The following TNS3 variants were observed in gnomAD, a reference collection of about 807,000 sequenced individuals.
TNS3 encodes tensin 3.
A neutral mutation model predicts 140.9 loss-of-function variants in TNS3; 45 were observed. The observed-to-expected ratio is 0.32, with a 90% CI of 0.25 to 0.41. The LOEUF is 0.41. Among genes scored for constraint, TNS3 ranks in the 10% least tolerant of loss-of-function variants. The pLI is 1.00. For missense variants in TNS3, 1,716 were observed against 1,906.7 expected, an observed-to-expected ratio of 0.90 and a Z score of 1.86; for synonymous variants, 815 against 788.4, an observed-to-expected ratio of 1.03 and a Z score of -0.56.
chr7:47,294,042 T>C (rs1785864044), intron 24 of TNS3, among the ~76,000 whole-genome samples: 1 of 152,170 alleles, frequency 6.6e-6, no homozygotes, highest in Non-Finnish European at 1.5e-5. Context: ...CTAGGCCAGA[T>C]ACAGGGCGGG....
rs992412042 is a variant in TNS3, at chr7:47,298,703, C to T, written c.3545-1490G>A. 4.6e-5 allele frequency among the ~76,000 whole-genome samples: 7 copies of T among 152,380 alleles called. No homozygotes were observed. The South Asian group carries it at 8.3e-4, about 18-fold the overall frequency. On this transcript the variant is annotated intron_variant, in intron 23 of 30. Coordinates refer to ENST00000311160, the MANE Select transcript of TNS3 (RefSeq NM_022748.12). ...CGGCATGCCTCAGTAAATACCTCCACGGCGCACTCCCACAGAGGCCCCTCA... is the reference window on the plus strand; with the variant it reads ...CGGCATGCCTCAGTAAATACCTCCATGGCGCACTCCCACAGAGGCCCCTCA...
chr7:47,414,128 C>T (rs76621474), intron 11 of TNS3, 131 bp from the exon 12 acceptor site: 10,642 of 898,006 alleles, frequency 0.012, 101 homozygotes, highest in Non-Finnish European at 0.016. Flanking sequence ...TCTGGGAAAG[C>T]AGTGCATGGA....
chr7:47,395,320 A>G (rs1168963997), intron 16 of TNS3, among the ~76,000 whole-genome samples: 2 of 152,152 alleles, frequency 1.3e-5, no homozygotes, highest in African/African-American at 4.8e-5. Context: ...CAGAGTCCCC[A>G]TCCAGCTCTC....
At chr7:47,413,824 T>C (rs1793921885) in intron 12 of TNS3, 113 bp downstream of exon 12, 1 of 1,340,366 alleles carries the variant, frequency 7.5e-7, no homozygotes, top group Non-Finnish European at 1.0e-6. Context: ...CTTGGCATTC[T>C]CTGACCTGAA....
chr7:47,396,963 C>T (rs1036830700), intron 15 of TNS3, 59 bp from the exon 16 acceptor site: 12 of 1,215,638 alleles, frequency 9.9e-6, no homozygotes, highest in East Asian at 2.3e-5. Flanking sequence ...TCCATCCAAC[C>T]GACTCCACCA....
intron 13 of TNS3, chr7:47,405,540 G>A (rs1190374267): frequency 1.6e-5 from 11 of 702,788 alleles, no homozygotes; most frequent in African/African-American, 5.2e-5. Flanking sequence ...TCAGATGTTC[G>A]CAATATTGTA....
intron 13 of TNS3, among the ~76,000 whole-genome samples, chr7:47,404,972 C>T (rs1793364441): frequency 1.3e-5 from 2 of 152,188 alleles, no homozygotes; most frequent in Admixed American, 1.3e-4. Context: ...CGGAGCCCTG[C>T]CTTGACCTCA....
In TNS3 at chr7:47,545,204, A is replaced by G. The variant is rs888810219; in HGVS notation, c.-264-16057T>C. 3.4e-5 allele frequency among the ~76,000 whole-genome samples: 5 copies of G among 146,732 alleles called. 1 individual carries two copies. The highest frequency in any genetic ancestry group is 1.3e-4 in the African/African-American group (5 of 39,824). ...GTCGCCTGGAGTGCAGTGTGGCACA[A>G]TCTCGGCTCACTGCAACGTCCACCT... On this transcript the variant is annotated intron_variant, in intron 1 of 30. Coordinates refer to ENST00000311160, the MANE Select transcript of TNS3 (RefSeq NM_022748.12).
chr7:47,549,856 A>G (rs652526), intron 1 of TNS3, among the ~76,000 whole-genome samples: 141,141 of 151,858 alleles, frequency 0.93, 66,453 homozygotes, highest in East Asian at 1. Flanking sequence ...CACACAGACC[A>G]CCTACTGGCC....
intron 4 of TNS3, among the ~76,000 whole-genome samples, chr7:47,444,996 C>T (rs1795656233): frequency 6.6e-6 from 1 of 152,080 alleles, no homozygotes; most frequent in Admixed American, 6.6e-5. Flanking sequence ...CAGCATTGCC[C>T]AGAGACACCC....
chr7:47,292,249 T>C (rs1455186997), intron 26 of TNS3, among the ~76,000 whole-genome samples: 1 of 152,212 alleles, frequency 6.6e-6, no homozygotes, highest in Non-Finnish European at 1.5e-5. Context: ...AAAATATTTT[T>C]CTAATCACCG....
rs75373570 is a variant in TNS3 at position 47,392,068 on chromosome 7, C to T, written c.1024+4732G>A. 2.8e-4 allele frequency among the ~76,000 whole-genome samples: 42 copies of T among 152,258 alleles called. No homozygotes were observed. In the East Asian group the frequency reaches 7.7e-3, roughly 28 times the overall value. ...TCTAAAATGGGCTCACAGGCTCTCT[C>T]GAGGATTAAAACACCATAGTGAGGC... On this transcript the variant is annotated intron_variant, in intron 16 of 30. Transcript: ENST00000311160.
At chr7:47,378,606 G>C (rs1791557813) in intron 16 of TNS3, among the ~76,000 whole-genome samples, 1 of 152,102 alleles carries the variant, frequency 6.6e-6, no homozygotes. Context: ...AAGCTAACTG[G>C]GCAACCACTG....
At chr7:47,382,662 A>AC (rs1791840955) in intron 16 of TNS3, among the ~76,000 whole-genome samples, 1 of 147,176 alleles carries the variant, frequency 6.8e-6, no homozygotes, top group Non-Finnish European at 1.5e-5. Context: ...AGACACCAGC[A>AC]CCCCCCAGTC....
In TNS3 at chr7:47,516,242, T is replaced by C. The variant is rs1333297873; in HGVS notation, c.-152-9298A>G. On this transcript the variant is annotated intron_variant, in intron 2 of 30. Coordinates refer to ENST00000311160, the MANE Select transcript of TNS3 (RefSeq NM_022748.12). ...ATCCTAGAGATTAACTACTCTAATG[T>C]ACAAATTGTAAAGATCACGGCACTG... is the stretch of plus-strand genomic sequence containing the variant. Among the ~76,000 whole-genome samples, 5 of 152,214 alleles carry C rather than the reference T, an allele frequency of 3.3e-5. No homozygotes were observed. In the East Asian group the frequency reaches 7.7e-4, roughly 23 times the overall value.
At chr7:47,501,984 A>AG (rs2151865129) in intron 3 of TNS3, among the ~76,000 whole-genome samples, 1 of 152,344 alleles carries the variant, frequency 6.6e-6, no homozygotes, top group Non-Finnish European at 1.5e-5. Context: ...GGAGTTCACA[A>AG]GAGGCATAGT....
intron 20 of TNS3, among the ~76,000 whole-genome samples, chr7:47,313,848 A>G (rs117117522): frequency 0.015 from 2,341 of 152,360 alleles, 27 homozygotes; most frequent in Middle Eastern, 0.031. Flanking sequence ...AATTCCCATG[A>G]AAGTGGCTTT....
At chr7:47,537,476 A>G (rs199528164) in intron 1 of TNS3, among the ~76,000 whole-genome samples, 10 of 150,984 alleles carry the variant, frequency 6.6e-5, no homozygotes, top group African/African-American at 2.4e-4. Context: ...AAACACTGGG[A>G]AAGTGGGTGA....
chr7:47,512,170 C>G (rs1798636537), intron 2 of TNS3, among the ~76,000 whole-genome samples: 2 of 152,234 alleles, frequency 1.3e-5, no homozygotes, highest in African/African-American at 4.8e-5. Context: ...ACTGGAACAC[C>G]CAGTGAGCTG....
Sources: allele counts gnomAD v4.1 joint callset (sites outside exome capture counted in the v4.1 genomes callset), GRCh38; gene constraint gnomAD v4.1.1; transcripts MANE v1.5; gene names NCBI Gene and HGNC (gene_info 2026-07-23, HGNC 2026-07-21).